Variants in FANCG observed in about 807,000 individuals in gnomAD.
FANCG encodes Fanconi anemia group G protein.
Under a neutral mutation model 73.3 loss-of-function variants are expected in FANCG, and 67 were observed. The observed-to-expected ratio is 0.91, with a 90% CI of 0.75 to 1.12. The LOEUF (loss-of-function observed/expected upper bound fraction) is 1.12, where lower values mean the gene tolerates loss of function less well. FANCG is among the 50% of genes most tolerant of loss of function. The pLI is 0.00. For synonymous variants in FANCG, 297 were observed against 311.6 expected (o/e 0.95, Z 0.49); for missense variants, 643 against 735.6 (o/e 0.87, Z 1.46).
At chr9:35,076,208 G>A in intron 8 of FANCG, 180 bp from the exon 9 acceptor site, 1 of 794,176 alleles carries the variant, frequency 1.3e-6, no homozygotes, top group Non-Finnish European at 2.2e-6. Context: ...TTACAGAATG[G>A]ACTGGGGAAG....
chr9:35,079,858 G>C lies in FANCG; in HGVS notation c.-334C>G. 1 of 447,614 alleles carries C rather than the reference G, an allele frequency of 2.2e-6. No homozygotes were observed. Among genetic ancestry groups the C allele is most frequent in the Non-Finnish European group, 4.2e-6 (1 of 238,450 alleles). The allele number at this position is 447,614 out of a possible 1,614,324, so 27.7% of individuals were successfully genotyped here. A position where few individuals can be genotyped will look rare whatever the true frequency, so the allele number is the denominator to read the frequency against. On this transcript the variant is annotated 5_prime_UTR_variant, in exon 1 of 14. Coordinates refer to ENST00000378643, the MANE Select transcript of FANCG (RefSeq NM_004629.2). ...CCAAACAGGCTTAGGCGGGCTAGAA[G>C]CCGGGGTCGTGTCTGACTGGGGCAG...
chr9:35,075,444 C>A (rs376961485), intron 10 of FANCG, 21 bp downstream of exon 10: 2 of 1,614,064 alleles, frequency 1.2e-6, no homozygotes, highest in Non-Finnish European at 1.7e-6. Context: ...CTCCACACCC[C>A]CTCTAGGACC....
chr9:35,078,242 A>G lies in FANCG; in HGVS notation c.409T>C (p.Ser137Pro), dbSNP rs1829122249. The change falls in exon 4 of 14, where the codon TCT becomes CCT. Residue 137 changes from serine to proline, a missense_variant. By Grantham distance (74) the Ser-to-Pro change is moderately conservative. Transcript: ENST00000378643. ...AGGCCAACCAGGCGGTGCAGGGCAG[A>G]CAGCAGCTCCGGCAGAAGGCAGGAA... ...RASCLLPELL[S>P]ALHRLVGLQA... 1 of 1,614,214 alleles carries G rather than the reference A, an allele frequency of 6.2e-7. No homozygotes were observed. Among genetic ancestry groups the G allele is most frequent in the Non-Finnish European group, 8.5e-7 (1 of 1,180,044 alleles).
chr9:35,076,964 T>C lies in FANCG; in HGVS notation c.777+7A>G. The C allele has an allele frequency of 6.2e-7, 1 of 1,614,144 alleles. No individual in the cohort carries two copies. ...GTTTCCCCAATCCACCCTAGGACTG[T>C]CTTTACCATCTTACGGTGACAGGAC... On this transcript the variant is annotated splice_region_variant and intron_variant, in intron 6 of 13. Transcript: ENST00000378643.
In FANCG at chr9:35,078,594, C is replaced by T. The variant is rs747280785; in HGVS notation, c.307+11G>A. 4 of 1,614,188 alleles carry T rather than the reference C, an allele frequency of 2.5e-6. No individual in the cohort carries two copies. The African/African-American group carries it at 4.0e-5, about 16-fold the overall frequency. ...ATGGCAGGGGAATCAGGGACAATCT[C>T]TGGCCCTCACCTCTCTCTAGGCTCC... On this transcript the variant is annotated intron_variant, in intron 3 of 13. Coordinates refer to ENST00000378643, the MANE Select transcript of FANCG (RefSeq NM_004629.2).
rs1829061388 is a variant in FANCG, at chr9:35,075,296, G to C, written c.1463C>G (p.Pro488Arg). ...TAGATCACCTTGTTCTTTTTCCTCAGGTGTGGCCCGGAAGAGCAGCTCGAG... is the reference window on the plus strand; with the variant it reads ...TAGATCACCTTGTTCTTTTTCCTCACGTGTGGCCCGGAAGAGCAGCTCGAG... Reference protein sequence around the residue: ...RCLELLFRATPEEKEQGAAFN... With the variant: ...RCLELLFRATREEKEQGAAFN... Residue 488 changes from proline to arginine, a missense_variant, in exon 11 of 14, where the codon CCT (proline) becomes CGT (arginine). Pro to Arg is a moderately radical substitution (Grantham distance 103, BLOSUM62 -2). Transcript: ENST00000378643. 2 of 1,614,084 alleles carry C rather than the reference G, an allele frequency of 1.2e-6. No individual in the cohort carries two copies. The highest frequency in any genetic ancestry group is 2.2e-5 in the East Asian group (1 of 44,900).
chr9:35,076,806 G>C lies in FANCG; in HGVS notation c.842C>G (p.Pro281Arg). 1 of 1,614,166 alleles carries C rather than the reference G, an allele frequency of 6.2e-7. No homozygotes were observed. The highest frequency in any genetic ancestry group is 8.5e-7 in the Non-Finnish European group (1 of 1,180,020). ...AALKEGSAWG[P>R]PLLEASRLYQ... is the part of the protein sequence containing the mutation. ...GAGCCTAGAGGCCTCCAGAAGTGGAGGACCCCAGGCTGATCCCTCTTTCAG... is the reference window on the plus strand; with the variant it reads ...GAGCCTAGAGGCCTCCAGAAGTGGACGACCCCAGGCTGATCCCTCTTTCAG... Residue 281 changes from proline to arginine, a missense_variant, in exon 7 of 14, where the codon CCT becomes CGT. Coordinates refer to ENST00000378643, the MANE Select transcript of FANCG (RefSeq NM_004629.2).
chr9:35,075,734 AGGGGAG>A lies in FANCG; in HGVS notation c.1158_1163del (p.Ser387_Pro388del). On this transcript the variant is annotated inframe_deletion, in exon 10 of 14. Coordinates refer to ENST00000378643, the MANE Select transcript of FANCG (RefSeq NM_004629.2). ...ACACCTCAGGCATACAGGGCCCTGG[AGGGGAG>A]GGGGGTGGGGAGAACTGGAGTGGGA... 8.3e-6 allele frequency: 5 copies of A among 602,906 alleles called. No individual in the cohort carries two copies. The highest frequency in any genetic ancestry group is 2.3e-5 in the African/African-American group (1 of 43,776). The allele number at this position is 602,906 out of a possible 1,614,324, so 37.3% of individuals were successfully genotyped here. A position where few individuals can be genotyped will look rare whatever the true frequency, so the allele number is the denominator to read the frequency against.
At chr9:35,079,128 C>T (rs1188114853) in intron 2 of FANCG, 23 bp downstream of exon 2, 7 of 1,587,574 alleles carry the variant, frequency 4.4e-6, no homozygotes, top group Non-Finnish European at 6.0e-6. Context: ...GGGAACTGAC[C>T]ATCCTGGGGA....
chr9:35,078,289 A>G lies in FANCG; in HGVS notation c.362T>C (p.Leu121Pro), dbSNP rs749291967. 1 of 1,614,028 alleles carries G rather than the reference A, an allele frequency of 6.2e-7. No homozygotes were observed. Among genetic ancestry groups the G allele is most frequent in the Admixed American group, 1.7e-5 (1 of 60,028 alleles). The change falls in exon 4 of 14, where the codon CTG (leucine) becomes CCG (proline). Residue 121 changes from leucine (L) to proline (P), a missense_variant. Leu to Pro is a moderately conservative substitution (Grantham distance 98, BLOSUM62 -3). Transcript: ENST00000378643. ...GPRLEQGLRELWDSVLRASCL... is the reference protein window; with the variant it reads ...GPRLEQGLREPWDSVLRASCL... Reference sequence around the variant, plus strand: ...GGAAGCACGAAGGACAGAGTCCCACAGCTCCCTGAGCCCCTGTTCCAACCT... The same window carrying G: ...GGAAGCACGAAGGACAGAGTCCCACGGCTCCCTGAGCCCCTGTTCCAACCT...
chr9:35,076,970 C>T lies in FANCG; in HGVS notation c.777+1G>A, dbSNP rs1060501862. ...CCAATCCACCCTAGGACTGTCTTTA[C>T]CATCTTACGGTGACAGGACCCCAGT... is the stretch of plus-strand genomic sequence containing the variant. On this transcript the variant is annotated splice_donor_variant, in intron 6 of 13. Transcript: ENST00000378643. LOFTEE classifies it high-confidence loss of function. 3 of 1,614,204 alleles carry T rather than the reference C, an allele frequency of 1.9e-6. No homozygotes were observed. The highest frequency in any genetic ancestry group is 2.5e-6 in the Non-Finnish European group (3 of 1,180,034).
intron 9 of FANCG, 76 bp downstream of exon 9, chr9:35,075,886 A>C (rs1410885142): frequency 6.4e-7 from 1 of 1,574,764 alleles, no homozygotes; most frequent in Non-Finnish European, 8.7e-7. Context: ...AAAACAAAAA[A>C]TTGCAGTCTT....
chr9:35,074,534 CAT>C, intron 12 of FANCG, 40 bp from the exon 13 acceptor site: 1 of 1,612,702 alleles, frequency 6.2e-7, no homozygotes, highest in Non-Finnish European at 8.5e-7. Context: ...TAGAACTTGA[CAT>C]AGTCTTAGGC....
In FANCG at chr9:35,074,975, C is replaced by A. The variant is rs772165907; in HGVS notation, c.1588G>T (p.Asp530Tyr). The change falls in exon 12 of 14, where the codon GAT (aspartate) becomes TAT (tyrosine). Residue 530 changes from aspartate to tyrosine, a missense_variant. By Grantham distance (160) the Asp-to-Tyr change is radical. Transcript: ENST00000378643. ...AGGAAGTCCTGTAAGGCTTTGGTAT[C>A]CTGGCCGCTGGCTACCCATTCCAGT... ...RGLEWVASGQ[D>Y]TKALQDFLLS... 2 of 1,614,198 alleles carry A rather than the reference C, an allele frequency of 1.2e-6. No homozygotes were observed. Among genetic ancestry groups the A allele is most frequent in the South Asian group, 1.1e-5 (1 of 91,082 alleles).
In FANCG at chr9:35,076,978, C is replaced by T. The variant is rs372234656; in HGVS notation, c.770G>A (p.Arg257His). 6.2e-6 allele frequency: 10 copies of T among 1,614,076 alleles called. No homozygotes were observed. The highest frequency in any genetic ancestry group is 2.7e-5 in the African/African-American group (2 of 74,918). ...QVYTALGSCHRKMGNPQRALL... is the reference protein window; with the variant it reads ...QVYTALGSCHHKMGNPQRALL... Reference sequence around the variant, plus strand: ...CCCTAGGACTGTCTTTACCATCTTACGGTGACAGGACCCCAGTGCTGTGTA... The same window carrying T: ...CCCTAGGACTGTCTTTACCATCTTATGGTGACAGGACCCCAGTGCTGTGTA... Residue 257 changes from arginine (R) to histidine (H), a missense_variant, in exon 6 of 14, where the codon CGT becomes CAT. Arg to His is a conservative substitution (Grantham distance 29, BLOSUM62 0). Transcript: ENST00000378643.
At position 35,076,516 on chromosome 9, in the gene FANCG, G is replaced by A. The variant is rs765722724; in HGVS notation, c.992C>T (p.Pro331Leu). 6 of 1,614,066 alleles carry A rather than the reference G, an allele frequency of 3.7e-6. No homozygotes were observed. Among genetic ancestry groups the A allele is most frequent in the Non-Finnish European group, 1.7e-6 (2 of 1,180,034 alleles). ...FLIEVELLLP[P>L]PDLASPLHCG... ...ATGAAGGGGTGAGGCTAGGTCAGGT[G>A]GTGGCAGTAGTAATTCTACCTCAAT... The change falls in exon 8 of 14, where the codon CCA becomes CTA. Residue 331 changes from proline to leucine, a missense_variant. By Grantham distance (98) the Pro-to-Leu change is moderately conservative. Coordinates refer to ENST00000378643, the MANE Select transcript of FANCG (RefSeq NM_004629.2).
chr9:35,078,777 G>A lies in FANCG; in HGVS notation c.176-41C>T, dbSNP rs1322659329. ...TGGTCTTACAGACTGCTCCCCCATG[G>A]AAGATCCTCCAAATAAAATCCCAAC... On this transcript the variant is annotated intron_variant, in intron 2 of 13. Transcript: ENST00000378643. 2.1e-5 allele frequency: 34 copies of A among 1,613,328 alleles called. No homozygotes were observed. In the African/African-American group the frequency reaches 2.7e-4, roughly 13 times the overall value.
chr9:35,075,249 G>A, intron 11 of FANCG, 30 bp downstream of exon 11: 9 of 1,613,344 alleles, frequency 5.6e-6, no homozygotes, highest in Non-Finnish European at 7.6e-6. Flanking sequence ...ACTTCCAGGA[G>A]GTAAGAGGAA....
Position 35,074,444 on chromosome 9 carries a change from G to A in FANCG, c.1687C>T (p.Arg563Trp), listed in dbSNP as rs754258080. The change falls in exon 13 of 14, where the codon CGG becomes TGG. Residue 563 changes from arginine (R) to tryptophan (W), a missense_variant. Arg to Trp is a moderately radical substitution (Grantham distance 101, BLOSUM62 -3). Transcript: ENST00000378643. ...CAGAGTGCAGTGGCCTCATCCCTCC[G>A]ATCTAGCCTCTTCAGAGTCTGAAGC... ...HLLQTLKRLD[R>W]RDEATALWWR... The A allele has an allele frequency of 1.4e-5, 22 of 1,614,014 alleles. No individual in the cohort carries two copies. The highest frequency in any genetic ancestry group is 1.0e-4 in the Admixed American group (6 of 60,010).
Sources: allele counts gnomAD v4.1 joint callset, GRCh38; gene constraint gnomAD v4.1.1; transcripts MANE v1.5; gene names NCBI Gene and HGNC (gene_info 2026-07-23, HGNC 2026-07-21).